The following CACNA1D variants were observed in gnomAD, a reference collection of about 807,000 sequenced individuals.
The protein encoded by CACNA1D is voltage-dependent L-type calcium channel subunit alpha-1D.
In CACNA1D, 55 loss-of-function variants were observed where a neutral mutation model predicts 257.1. That is an observed-to-expected ratio of 0.21 (90% CI 0.17 to 0.27). CACNA1D has a LOEUF of 0.27. Among genes scored for constraint, CACNA1D ranks in the 10% least tolerant of loss-of-function variants. CACNA1D has a pLI of 1.00. For missense variants in CACNA1D, 1,876 were observed against 2,784.0 expected (o/e 0.67, Z 7.34); for synonymous variants, 980 against 1,014.9 (o/e 0.97, Z 0.65).
At chr3:53,770,038 C>G in intron 31 of CACNA1D, 21 bp downstream of exon 31, 1 of 1,600,380 alleles carries the variant, frequency 6.2e-7, no homozygotes. Flanking sequence ...TGACTAGTCC[C>G]CAGGGGCTGG....
intron 8 of CACNA1D, among the ~76,000 whole-genome samples, chr3:53,695,419 G>A (rs978670354): frequency 2.0e-5 from 3 of 152,084 alleles, no homozygotes; most frequent in Non-Finnish European, 2.9e-5. Context: ...CAGATACTGG[G>A]GACCAGCCTC....
chr3:53,705,108 A>G (rs1249808161), intron 9 of CACNA1D, among the ~76,000 whole-genome samples: 1 of 152,184 alleles, frequency 6.6e-6, no homozygotes, highest in East Asian at 1.9e-4. Flanking sequence ...GGGAAGATGG[A>G]GAAGGAGTGG....
rs145327253 is a variant in CACNA1D at position 53,735,502 on chromosome 3, C to T, written c.2750C>T (p.Thr917Met). The change falls in exon 20 of 48, where the codon ACG becomes ATG. Residue 917 changes from threonine (T) to methionine (M), a missense_variant and splice_region_variant. By Grantham distance (81) the Thr-to-Met change is moderately conservative. This residue lies in a region of CACNA1D where 271 missense variants were observed against 425.5 expected (regional missense o/e 0.64). Coordinates refer to ENST00000350061, the MANE Select transcript of CACNA1D (RefSeq NM_001128840.3). ...ATCCGCAGCCACTCCTTCCGGAACA[C>T]GGTAAGTCCCCAGGGTGGGGCTCGC... Reference protein sequence around the residue: ...DPIRSHSFRNTILGYFDYAFT... With the variant: ...DPIRSHSFRNMILGYFDYAFT... 24 of 1,613,918 alleles carry T rather than the reference C, an allele frequency of 1.5e-5. No individual in the cohort carries two copies. The African/African-American group carries it at 1.7e-4, about 12-fold the overall frequency.
intron 40 of CACNA1D, among the ~76,000 whole-genome samples, chr3:53,798,308 CGTGTGT>C (rs10581353): frequency 3.4e-5 from 5 of 148,668 alleles, no homozygotes; most frequent in Non-Finnish European, 4.4e-5. Flanking sequence ...TGTATGTGTG[CGTGTGT>C]GTGTGTGTGT....
chr3:53,678,632 C>G (rs543843112), intron 8 of CACNA1D, among the ~76,000 whole-genome samples: 9 of 152,168 alleles, frequency 5.9e-5, no homozygotes, highest in African/African-American at 2.2e-4. Context: ...TAATTGGATA[C>G]CAGGGGCCTA....
chr3:53,779,292 T>C (rs2095413791), intron 37 of CACNA1D, among the ~76,000 whole-genome samples: 1 of 152,346 alleles, frequency 6.6e-6, no homozygotes. Flanking sequence ...TTATATTTCA[T>C]GACTAAACCT....
intron 3 of CACNA1D, among the ~76,000 whole-genome samples, chr3:53,569,049 C>T (rs2092898852): frequency 6.6e-6 from 1 of 152,198 alleles, no homozygotes; most frequent in Non-Finnish European, 1.5e-5. Context: ...GGATACCACA[C>T]TTTCCTGGTG....
chr3:53,627,733 C>T (rs532961091), intron 3 of CACNA1D, among the ~76,000 whole-genome samples: 1 of 152,180 alleles, frequency 6.6e-6, no homozygotes, highest in East Asian at 1.9e-4. Flanking sequence ...GGTATTCAGG[C>T]CGGGTGTGGT....
chr3:53,534,528 C>T (rs1345576470), intron 3 of CACNA1D, among the ~76,000 whole-genome samples: 1 of 152,154 alleles, frequency 6.6e-6, no homozygotes, highest in Non-Finnish European at 1.5e-5. Flanking sequence ...TGGAACCTCT[C>T]CATTCTGTGT....
chr3:53,653,010 G>A (rs2108286042), intron 4 of CACNA1D, among the ~76,000 whole-genome samples: 1 of 152,282 alleles, frequency 6.6e-6, no homozygotes, highest in Non-Finnish European at 1.5e-5. Context: ...CAGCACTTTG[G>A]GAGGCCGAGG....
chr3:53,660,324 C>T, intron 5 of CACNA1D, 49 bp downstream of exon 5: 1 of 1,597,434 alleles, frequency 6.3e-7, no homozygotes, highest in South Asian at 1.1e-5. Context: ...GTTTTTTCTT[C>T]CAGGTGGGTT....
At chr3:53,764,364 A>C (rs1473100013) in intron 30 of CACNA1D, among the ~76,000 whole-genome samples, 23 of 152,228 alleles carry the variant, frequency 1.5e-4, no homozygotes, top group Non-Finnish European at 7.3e-5. Flanking sequence ...TATTTACATG[A>C]AAATTCTGGA....
chr3:53,575,532 A>G (rs1436589924), intron 3 of CACNA1D, among the ~76,000 whole-genome samples: 1 of 152,156 alleles, frequency 6.6e-6, no homozygotes, highest in Non-Finnish European at 1.5e-5. Flanking sequence ...ATACGAGTAC[A>G]TGGCAAGAGA....
At chr3:53,528,855 C>T (rs756238234) in intron 3 of CACNA1D, among the ~76,000 whole-genome samples, 1 of 152,006 alleles carries the variant, frequency 6.6e-6, no homozygotes, top group Non-Finnish European at 1.5e-5. Context: ...TATATGTTGC[C>T]TTGTACATGC....
intron 30 of CACNA1D, chr3:53,762,779 T>A (rs3774568): frequency 0.26 from 94,278 of 360,926 alleles, 14,712 homozygotes; most frequent in East Asian, 0.66. Flanking sequence ...TAATTTGTAG[T>A]TTCCTCTATC....
At chr3:53,732,145 A>G in intron 18 of CACNA1D, 63 bp downstream of exon 18, 1 of 1,277,390 alleles carries the variant, frequency 7.8e-7, no homozygotes, top group Non-Finnish European at 1.1e-6. Context: ...CTCTGTGACC[A>G]CCTGCCGAGT....
At chr3:53,521,573 A>G (rs1414246866) in intron 3 of CACNA1D, among the ~76,000 whole-genome samples, 2 of 152,160 alleles carry the variant, frequency 1.3e-5, no homozygotes, top group African/African-American at 4.8e-5. Flanking sequence ...ACCTTGGGAC[A>G]TTCTCAGTTT....
rs1033609696 is a variant in CACNA1D, at chr3:53,719,651, C to A, written c.1479-104C>A. The A allele has an allele frequency of 7.6e-6, 8 of 1,053,786 alleles. No homozygotes were observed. In the African/African-American group the frequency reaches 1.2e-4, roughly 16 times the overall value. 65.3% of individuals were successfully genotyped at this position (1,053,786 alleles called of 1,614,324 possible). A position where few individuals can be genotyped will look rare whatever the true frequency, so the allele number is the denominator to read the frequency against. ...GCTGTGGTAACCAGGGGTGCTAAGT[C>A]CAGGCTGTATGCATGGCTTTTATGA... On this transcript the variant is annotated intron_variant, in intron 10 of 47. Transcript: ENST00000350061.
intron 29 of CACNA1D, among the ~76,000 whole-genome samples, chr3:53,754,850 TG>T (rs2095252783): frequency 6.6e-6 from 1 of 152,248 alleles, no homozygotes; most frequent in South Asian, 2.1e-4. Flanking sequence ...CATAGTTACA[TG>T]AAATTCTAAT....
Sources: gnomAD v4.1 joint callset for allele counts (sites outside exome capture counted in the v4.1 genomes callset) on GRCh38, gnomAD v4.1.1 for gene constraint, gnomAD v4.1.1 regional missense constraint, MANE v1.5 for transcripts, NCBI Gene and HGNC (gene_info 2026-07-23, HGNC 2026-07-21) for gene names.